ELAVL3: variants seen among roughly 807,000 people sequenced by gnomAD.
ELAVL3 encodes ELAV like RNA binding protein 3.
In ELAVL3, 8 loss-of-function variants were observed where a neutral mutation model predicts 34.2. That is an observed-to-expected ratio of 0.23 (90% CI 0.14 to 0.42). The LOEUF (loss-of-function observed/expected upper bound fraction) is 0.42. ELAVL3 is among the 10% of genes least tolerant of loss of function. ELAVL3 has a pLI of 1.00. For synonymous variants in ELAVL3, 209 were observed against 222.1 expected, an observed-to-expected ratio of 0.94 and a Z score of 0.53; for missense variants, 273 against 518.8, an observed-to-expected ratio of 0.53 and a Z score of 4.60.
chr19:11,463,289 G>T (rs1399578364), intron 3 of ELAVL3, among the ~76,000 whole-genome samples: 1 of 152,152 alleles, frequency 6.6e-6, no homozygotes, highest in Non-Finnish European at 1.5e-5. Flanking sequence ...TTGGGCAGCT[G>T]CCATAGCGCC....
rs1268686004 is a variant in ELAVL3 at position 11,480,512 on chromosome 19, C to G, written c.9+88G>C. On this transcript the variant is annotated intron_variant, in intron 1 of 6. Coordinates refer to ENST00000359227, the MANE Select transcript of ELAVL3 (RefSeq NM_001420.4). The surrounding 1 kb of genome is among the most constrained non-coding windows in gnomAD (Gnocchi z 6.8). ...GGGCCTAGCTAGGCCTGGTCCTACC[C>G]CCCCCGCCGCACCCGCCCAATCTCC... 1 of 1,401,394 alleles carries G rather than the reference C, an allele frequency of 7.1e-7. No homozygotes were observed. The highest frequency in any genetic ancestry group is 9.3e-7 in the Non-Finnish European group (1 of 1,071,294). 86.8% of individuals were successfully genotyped at this position (1,401,394 alleles called of 1,614,324 possible).
chr19:11,461,717 G>A (rs1387926420), intron 3 of ELAVL3, among the ~76,000 whole-genome samples: 1 of 151,756 alleles, frequency 6.6e-6, no homozygotes, highest in Non-Finnish European at 1.5e-5. Context: ...TCCCACCCTC[G>A]GCCTCCCAAA....
Position 11,477,439 on chromosome 19 carries a change from T to C in ELAVL3, c.9+3161A>G, listed in dbSNP as rs554175194. Among the ~76,000 whole-genome samples, 35 of 152,222 alleles carry C rather than the reference T, an allele frequency of 2.3e-4. 1 individual carries two copies. The highest frequency in any genetic ancestry group is 8.2e-4 in the African/African-American group (34 of 41,538). On this transcript the variant is annotated intron_variant, in intron 1 of 6. Transcript: ENST00000359227. Reference sequence around the variant, plus strand: ...TATAGGCTTGCACCACCCAGCCGGCTAATTTTTCTCTTTTTCTGTAGAGAT... The same window carrying C: ...TATAGGCTTGCACCACCCAGCCGGCCAATTTTTCTCTTTTTCTGTAGAGAT...
intron 1 of ELAVL3, among the ~76,000 whole-genome samples, chr19:11,470,280 G>A (rs1182652502): frequency 1.3e-5 from 2 of 152,168 alleles, no homozygotes; most frequent in African/African-American, 2.4e-5. Flanking sequence ...GCTTGAACCC[G>A]GGAAGTGGAG....
chr19:11,476,092 A>G (rs1290363156), intron 1 of ELAVL3, among the ~76,000 whole-genome samples: 1 of 152,208 alleles, frequency 6.6e-6, no homozygotes, highest in Admixed American at 6.5e-5. Context: ...ATGCAGTAAC[A>G]TGCACTGCAC....
chr19:11,455,147 C>T (rs1006575570), intron 6 of ELAVL3, among the ~76,000 whole-genome samples: 20 of 151,734 alleles, frequency 1.3e-4, no homozygotes, highest in Admixed American at 1.2e-3. Context: ...TGTAGGCAGG[C>T]GCCCTCACAC....
intron 1 of ELAVL3, among the ~76,000 whole-genome samples, chr19:11,471,354 C>T (rs1971160113): frequency 6.7e-6 from 1 of 149,758 alleles, no homozygotes; most frequent in Admixed American, 6.7e-5. Context: ...GTGGCTCATG[C>T]CTGTAATCCC....
Position 11,466,205 on chromosome 19 carries a change from G to A in ELAVL3, c.300C>T (p.Leu100=), listed in dbSNP as rs764675042. The change falls in exon 3 of 7, where the codon CTC becomes CTT. Residue 100 remains leucine, a synonymous_variant. Coordinates refer to ENST00000359227, the MANE Select transcript of ELAVL3 (RefSeq NM_001420.4). The surrounding 1 kb of genome is among the most constrained non-coding windows in gnomAD (Gnocchi z 5.0). ...TCTTCGTCTGTAATTTGAGGCCGTT[G>A]AGGGTGTTGATGGCTTTGTCTGCAT... is the stretch of plus-strand genomic sequence containing the variant. ...PNDADKAINT[L]NGLKLQTKTI... The A allele has an allele frequency of 6.2e-7, 1 of 1,613,870 alleles. No homozygotes were observed. Among genetic ancestry groups the A allele is most frequent in the East Asian group, 2.2e-5 (1 of 44,882 alleles).
At chr19:11,464,129 C>CTG (rs1970953197) in intron 3 of ELAVL3, among the ~76,000 whole-genome samples, 2 of 92,746 alleles carry the variant, frequency 2.2e-5, no homozygotes, top group African/African-American at 6.2e-5. Flanking sequence ...CTCTGTCTCT[C>CTG]TCTCTCTCTC....
At chr19:11,468,037 A>C (rs1404840088) in intron 1 of ELAVL3, among the ~76,000 whole-genome samples, 3 of 151,994 alleles carry the variant, frequency 2.0e-5, no homozygotes, top group Non-Finnish European at 4.4e-5. Context: ...TGATCCTCCC[A>C]CTTTGGCCTC....
intron 1 of ELAVL3, among the ~76,000 whole-genome samples, chr19:11,473,511 T>C (rs1971207347): frequency 6.6e-6 from 1 of 152,240 alleles, no homozygotes; most frequent in Non-Finnish European, 1.5e-5. Flanking sequence ...CAACCATCCC[T>C]GACTCAAGCT....
intron 1 of ELAVL3, among the ~76,000 whole-genome samples, chr19:11,474,962 G>A (rs1288162600): frequency 6.6e-6 from 1 of 152,080 alleles, no homozygotes; most frequent in Admixed American, 6.6e-5. Flanking sequence ...TGGAGTAGCT[G>A]GGACTACAGG....
Position 11,454,580 on chromosome 19 carries a change from C to G in ELAVL3, c.1050G>C (p.Leu350=), listed in dbSNP as rs147698039. 49 of 1,614,020 alleles carry G rather than the reference C, an allele frequency of 3.0e-5. No homozygotes were observed. The highest frequency in any genetic ancestry group is 4.1e-5 in the Non-Finnish European group (48 of 1,179,982). The stretch of plus-strand genomic sequence containing the variant: ...AGGAGACCTGCAGCACGCGCTCGCC[C>G]AGGCGATAGCCGTTCAGGCTGGCGA... ...MAIASLNGYR[L]GERVLQVSFK... The change falls in exon 7 of 7, where the codon CTG becomes CTC. Residue 350 remains leucine (L), a synonymous_variant. Coordinates refer to ENST00000359227, the MANE Select transcript of ELAVL3 (RefSeq NM_001420.4). This position sits in a 1 kb window ranked among gnomAD's most constrained non-coding sequence, Gnocchi z 9.2.
Position 11,454,214 on chromosome 19 carries a change from G to A in ELAVL3, c.*312C>T, listed in dbSNP as rs563601251. 18 of 311,726 alleles carry A rather than the reference G, an allele frequency of 5.8e-5. No homozygotes were observed. In the East Asian group the frequency reaches 1.1e-3, roughly 18 times the overall value. 19.3% of individuals were successfully genotyped at this position (311,726 alleles called of 1,614,324 possible). A position where few individuals can be genotyped will look rare whatever the true frequency, so the allele number is the denominator to read the frequency against. ...AGGGTGGGGGTGGGGGCACATCTCT[G>A]CATTCTTTTTAGCCGAAAAAAGAAA... On this transcript the variant is annotated 3_prime_UTR_variant, in exon 7 of 7. Coordinates refer to ENST00000359227, the MANE Select transcript of ELAVL3 (RefSeq NM_001420.4). This position sits in a 1 kb window ranked among gnomAD's most constrained non-coding sequence, Gnocchi z 9.2.
In ELAVL3 at chr19:11,453,182, T is replaced by A. The variant is rs1417740983; in HGVS notation, c.*1344A>T. 1 of 148,106 alleles carries A rather than the reference T, an allele frequency of 6.8e-6. No individual in the cohort carries two copies. The highest frequency in any genetic ancestry group is 1.5e-5 in the Non-Finnish European group (1 of 67,182). The allele number at this position is 148,106 out of a possible 1,614,324, so 9.2% of individuals were successfully genotyped here. A position where few individuals can be genotyped will look rare whatever the true frequency, so the allele number is the denominator to read the frequency against. On this transcript the variant is annotated 3_prime_UTR_variant, in exon 7 of 7. Transcript: ENST00000359227. ...CCGGGGACAGGGGTGTCCTTTGGCC[T>A]CAAGTGTTGTGGGGGGGGGGGCTGC...
chr19:11,455,191 A>AG (rs1366431117), intron 6 of ELAVL3, among the ~76,000 whole-genome samples: 3 of 151,904 alleles, frequency 2.0e-5, no homozygotes, highest in Non-Finnish European at 4.4e-5. Context: ...GTGGTGACAC[A>AG]GTCTCACTAT....
chr19:11,458,007 G>A lies in ELAVL3; in HGVS notation c.713+54C>T. 1 of 1,565,756 alleles carries A rather than the reference G, an allele frequency of 6.4e-7. No homozygotes were observed. The highest frequency in any genetic ancestry group is 1.3e-5 in the African/African-American group (1 of 74,382). ...TCGGCAGGAATGGGGTTCAGGGAGG[G>A]TTGCAAGCTTGGGGGCACCCGGCCT... On this transcript the variant is annotated intron_variant, in intron 5 of 6. Coordinates refer to ENST00000359227, the MANE Select transcript of ELAVL3 (RefSeq NM_001420.4). The surrounding 1 kb of genome is among the most constrained non-coding windows in gnomAD (Gnocchi z 7.3).
chr19:11,479,814 C>T (rs980849509), intron 1 of ELAVL3, among the ~76,000 whole-genome samples: 9 of 151,728 alleles, frequency 5.9e-5, no homozygotes, highest in Non-Finnish European at 1.0e-4. Context: ...TCAAGGTCAC[C>T]TCGCGGCCCA....
Position 11,451,624 on chromosome 19 carries a change from T to C in ELAVL3, c.*2902A>G, listed in dbSNP as rs1053321517. ...GGGCTGAGCCCCCTCCCCCCTGGCC[T>C]GGCCCCTGCCCCCCAGGGACGTGGA... On this transcript the variant is annotated 3_prime_UTR_variant, in exon 7 of 7. Coordinates refer to ENST00000359227, the MANE Select transcript of ELAVL3 (RefSeq NM_001420.4). The C allele has an allele frequency of 6.6e-6, 1 of 151,310 alleles. No homozygotes were observed. Among genetic ancestry groups the C allele is most frequent in the African/African-American group, 2.4e-5 (1 of 41,316 alleles). The allele number at this position is 151,310 out of a possible 1,614,324, so 9.4% of individuals were successfully genotyped here.
Sources: allele counts gnomAD v4.1 joint callset (sites outside exome capture counted in the v4.1 genomes callset), GRCh38; gene constraint gnomAD v4.1.1; non-coding constraint Gnocchi (gnomAD v3.1); transcripts MANE v1.5; gene names NCBI Gene and HGNC (gene_info 2026-07-23, HGNC 2026-07-21).